Variants in IQCJ observed in about 807,000 individuals in gnomAD.
IQCJ encodes the protein IQ motif containing J.
Under a neutral mutation model 11.0 loss-of-function variants are expected in IQCJ, and 9 were observed. The ratio of observed to expected loss-of-function variants is 0.82; its 90% confidence interval spans 0.49 to 1.43. The LOEUF (loss-of-function observed/expected upper bound fraction) is 1.43. Ranked by LOEUF, IQCJ falls within the 40% of genes most tolerant of loss-of-function variation. The pLI is 0.00. For synonymous variants in IQCJ, 55 were observed against 51.3 expected (o/e 1.07, Z -0.31); for missense variants, 146 against 133.2 (o/e 1.10, Z -0.47).
chr3:159,069,618 T>A (rs917930359), intron 1 of IQCJ, 177 bp downstream of exon 1: 1 of 772,252 alleles, frequency 1.3e-6, no homozygotes, highest in African/African-American at 1.8e-5. Context: ...TCCTTGTTAA[T>A]GTAGGCATGT....
At chr3:159,227,069 C>T (rs1391026332) in intron 1 of IQCJ, among the ~76,000 whole-genome samples, 1 of 152,128 alleles carries the variant, frequency 6.6e-6, no homozygotes. Context: ...TGGTGCAATG[C>T]TCTTAGGTTT....
At chr3:159,148,095 G>GGATA (rs1230253490) in intron 1 of IQCJ, among the ~76,000 whole-genome samples, 1 of 152,186 alleles carries the variant, frequency 6.6e-6, no homozygotes, top group Non-Finnish European at 1.5e-5. Context: ...AACTCAAACT[G>GGATA]GATAGCACCT....
chr3:159,265,283 G>A (rs1156630019), downstream of IQCJ: 1 of 1,613,890 alleles, frequency 6.2e-7, no homozygotes, highest in Admixed American at 1.7e-5. Flanking sequence ...CTGGGGACAA[G>A]TTGCCTGGTG....
chr3:159,114,311 A>AT lies in IQCJ; in HGVS notation c.9+44871dup, dbSNP rs1404341078. Among the ~76,000 whole-genome samples, 8 of 116,702 alleles carry AT rather than the reference A, an allele frequency of 6.9e-5. 1 individual carries two copies. The highest frequency in any genetic ancestry group is 2.9e-4 in the African/African-American group (8 of 27,224). 76.6% of individuals were successfully genotyped at this position (116,702 alleles called of 152,430 possible). A position where few individuals can be genotyped will look rare whatever the true frequency, so the allele number is the denominator to read the frequency against. On this transcript the variant is annotated intron_variant, in intron 1 of 3. Coordinates refer to ENST00000397832, the MANE Select transcript of IQCJ (RefSeq NM_001042706.3). ...TTCACACAAGACTTCTTGTTTCTAA[A>AT]TGTTTTTTTTTTTTTCTGAGACGTA...
At chr3:159,202,064 T>C (rs1724380543) in intron 1 of IQCJ, among the ~76,000 whole-genome samples, 1 of 152,202 alleles carries the variant, frequency 6.6e-6, no homozygotes, top group Admixed American at 6.5e-5. Context: ...CACTTCTTAT[T>C]GGTTGAGTCC....
intron 1 of IQCJ, among the ~76,000 whole-genome samples, chr3:159,169,279 C>CTTTTTTTTTTTTTTTTTTTTTTTT (rs141888128): frequency 8.9e-5 from 5 of 56,396 alleles, no homozygotes; most frequent in Middle Eastern, 0.018. Context: ...TTCTTTCTTT[C>CTTTTTTTTTTTTTTTTTTTTTTTT]TTTTTTTTTT....
chr3:159,265,224 G>A, downstream of IQCJ: 4 of 1,613,336 alleles, frequency 2.5e-6, no homozygotes, highest in Non-Finnish European at 3.4e-6. Context: ...GTTTGCCAGG[G>A]CCCCTGTTGG....
chr3:159,094,364 C>G (rs1296507705), intron 1 of IQCJ, among the ~76,000 whole-genome samples: 3 of 148,976 alleles, frequency 2.0e-5, no homozygotes, highest in Non-Finnish European at 3.0e-5. Flanking sequence ...AGAGGCACCT[C>G]AGTGGTCTTC....
chr3:159,094,513 G>A (rs1195630325), intron 1 of IQCJ, among the ~76,000 whole-genome samples: 2 of 148,514 alleles, frequency 1.3e-5, no homozygotes, highest in African/African-American at 5.0e-5. Context: ...GCATAGGTCT[G>A]GGGAAGTTTT....
chr3:159,146,176 T>C (rs756446702), intron 1 of IQCJ, among the ~76,000 whole-genome samples: 21 of 152,186 alleles, frequency 1.4e-4, no homozygotes, highest in African/African-American at 3.1e-4. Flanking sequence ...ACTCACATCA[T>C]TGGCCTTTGA....
intron 1 of IQCJ, among the ~76,000 whole-genome samples, chr3:159,224,890 A>T (rs567428497): frequency 6.6e-6 from 1 of 152,200 alleles, no homozygotes; most frequent in South Asian, 2.1e-4. Context: ...TGGGAAACAC[A>T]AAACACTGGC....
intron 1 of IQCJ, among the ~76,000 whole-genome samples, chr3:159,102,367 A>G (rs909417207): frequency 6.6e-6 from 1 of 152,234 alleles, no homozygotes; most frequent in Admixed American, 6.5e-5. Flanking sequence ...AGACAAATCT[A>G]TTCAAAATTT....
chr3:159,244,865 G>A (rs1176708614), intron 1 of IQCJ, among the ~76,000 whole-genome samples: 1 of 152,068 alleles, frequency 6.6e-6, no homozygotes, highest in Non-Finnish European at 1.5e-5. Context: ...CTTCCCCTTG[G>A]GACTGGTCAC....
intron 1 of IQCJ, among the ~76,000 whole-genome samples, chr3:159,187,109 G>T (rs1167108195): frequency 2.0e-5 from 3 of 152,204 alleles, no homozygotes; most frequent in Non-Finnish European, 4.4e-5. Flanking sequence ...GTATTCTACA[G>T]TTAAATAAAA....
chr3:159,092,158 A>G lies in IQCJ; in HGVS notation c.9+22717A>G, dbSNP rs545914303. The stretch of plus-strand genomic sequence containing the variant: ...TCCACTTGACATTATCTGCTTCCTG[A>G]TGAGTTGCAGTAAGATGAATACAAT... On this transcript the variant is annotated intron_variant, in intron 1 of 3. Coordinates refer to ENST00000397832, the MANE Select transcript of IQCJ (RefSeq NM_001042706.3). Among the ~76,000 whole-genome samples, 30 of 151,948 alleles carry G rather than the reference A, an allele frequency of 2.0e-4. 1 individual carries two copies. The highest frequency in any genetic ancestry group is 7.0e-4 in the African/African-American group (29 of 41,234).
intron 1 of IQCJ, among the ~76,000 whole-genome samples, chr3:159,195,545 T>A (rs1476654854): frequency 6.6e-6 from 1 of 152,208 alleles, no homozygotes; most frequent in Admixed American, 6.5e-5. Flanking sequence ...AGACCTGATG[T>A]CCCTATTACA....
chr3:159,210,331 T>C (rs1169098435), intron 1 of IQCJ, among the ~76,000 whole-genome samples: 1 of 152,260 alleles, frequency 6.6e-6, no homozygotes, highest in Non-Finnish European at 1.5e-5. Flanking sequence ...ATTGCTGCAC[T>C]ACTGCTGAGT....
chr3:159,092,591 G>A (rs113902502), intron 1 of IQCJ, among the ~76,000 whole-genome samples: 10,483 of 151,256 alleles, frequency 0.069, 1,418 homozygotes, highest in African/African-American at 0.24. Flanking sequence ...CCAGCTACTC[G>A]GGAGGCTGAG....
intron 1 of IQCJ, among the ~76,000 whole-genome samples, chr3:159,077,015 C>T (rs1307584612): frequency 6.6e-6 from 1 of 152,168 alleles, no homozygotes; most frequent in Non-Finnish European, 1.5e-5. Flanking sequence ...TTAAGCCCCT[C>T]TTTTGAGATT....
Sources: gnomAD v4.1 joint callset for allele counts (sites outside exome capture counted in the v4.1 genomes callset) on GRCh38, gnomAD v4.1.1 for gene constraint, MANE v1.5 for transcripts, NCBI Gene and HGNC (gene_info 2026-07-23, HGNC 2026-07-21) for gene names.